Variants in HECW2 observed in about 807,000 individuals in gnomAD.
HECW2 encodes the protein HECT, C2 and WW domain containing E3 ubiquitin protein ligase 2.
Under a neutral mutation model 175.2 loss-of-function variants are expected in HECW2, and 61 were observed. The observed-to-expected ratio is 0.35, with a 90% CI of 0.28 to 0.43. The LOEUF (loss-of-function observed/expected upper bound fraction) is 0.43. HECW2 is among the 20% of genes least tolerant of loss of function. The pLI is 1.00. For missense variants in HECW2, 1,524 were observed against 2,000.5 expected (o/e 0.76, Z 4.54); for synonymous variants, 671 against 731.0 (o/e 0.92, Z 1.32).
intron 28 of HECW2, 152 bp downstream of exon 28, chr2:196,215,713 C>T (rs1191253749): frequency 6.1e-5 from 35 of 578,302 alleles, no homozygotes; most frequent in Middle Eastern, 4.7e-4. Context: ...TTTTCCTCTT[C>T]GTTTAGAAAG....
intron 13 of HECW2, among the ~76,000 whole-genome samples, chr2:196,302,983 C>A (rs948352980): frequency 6.6e-6 from 1 of 152,128 alleles, no homozygotes; most frequent in Admixed American, 6.5e-5. Context: ...AGCATCCTTG[C>A]CTTGTGCTGG....
chr2:196,215,610 C>T (rs1489222663), intron 28 of HECW2, among the ~76,000 whole-genome samples: 4 of 152,136 alleles, frequency 2.6e-5, no homozygotes, highest in Non-Finnish European at 4.4e-5. Context: ...TAACCAACGT[C>T]GCTTTACTGA....
At chr2:196,424,247 C>T (rs1320465310) in intron 2 of HECW2, among the ~76,000 whole-genome samples, 2 of 152,036 alleles carry the variant, frequency 1.3e-5, no homozygotes, top group East Asian at 3.9e-4. Context: ...TCTGACTGTT[C>T]CACTGACCCA....
At chr2:196,304,520 C>CT (rs894290444) in intron 13 of HECW2, among the ~76,000 whole-genome samples, 1 of 152,152 alleles carries the variant, frequency 6.6e-6, no homozygotes, top group Non-Finnish European at 1.5e-5. Context: ...ATTTACCACT[C>CT]TATTCCCAGA....
At chr2:196,309,834 G>T (rs1575395791) in intron 10 of HECW2, among the ~76,000 whole-genome samples, 2 of 152,278 alleles carry the variant, frequency 1.3e-5, no homozygotes, top group South Asian at 4.1e-4. Context: ...AAACTCCCAA[G>T]ATTAGATTAT....
chr2:196,398,737 G>C lies in HECW2; in HGVS notation c.292+34395C>G, dbSNP rs541353726. On this transcript the variant is annotated intron_variant, in intron 2 of 28. Transcript: ENST00000644978. ...CTGATACCTTGTATCCCCATATCTG[G>C]TTTCCCCAGTGAGAGCAAAAGACTC... 3.3e-5 allele frequency among the ~76,000 whole-genome samples: 5 copies of C among 152,258 alleles called. No homozygotes were observed. The South Asian group carries it at 8.3e-4, about 25-fold the overall frequency.
Position 196,253,919 on chromosome 2 carries a change from C to T in HECW2, c.3529+1G>A. The T allele has an allele frequency of 6.2e-7, 1 of 1,613,724 alleles. No individual in the cohort carries two copies. The highest frequency in any genetic ancestry group is 8.5e-7 in the Non-Finnish European group (1 of 1,179,714). On this transcript the variant is annotated splice_donor_variant, in intron 19 of 28. Coordinates refer to ENST00000644978, the MANE Select transcript of HECW2 (RefSeq NM_001348768.2). LOFTEE classifies it high-confidence loss of function. ...TCACTGTGAGCAGCAGGTGGACTCACCTGGCGAGTTCTGAGGAGATGACAC... is the reference window on the plus strand; with the variant it reads ...TCACTGTGAGCAGCAGGTGGACTCATCTGGCGAGTTCTGAGGAGATGACAC...
intron 2 of HECW2, among the ~76,000 whole-genome samples, chr2:196,359,363 G>A (rs375617301): frequency 3.3e-5 from 5 of 152,082 alleles, no homozygotes; most frequent in East Asian, 1.9e-4. Flanking sequence ...CAGGAGAATC[G>A]CTTGAACCTG....
chr2:196,502,306 G>A (rs911799357), intron 1 of HECW2, among the ~76,000 whole-genome samples: 24 of 151,928 alleles, frequency 1.6e-4, no homozygotes, highest in Admixed American at 6.6e-5. Flanking sequence ...TGAACTGTAC[G>A]TCATCCTAGA....
At chr2:196,449,762 G>C (rs1487835550) in intron 1 of HECW2, among the ~76,000 whole-genome samples, 1 of 152,058 alleles carries the variant, frequency 6.6e-6, no homozygotes, top group Admixed American at 6.6e-5. Context: ...AAATGCAAAA[G>C]TTTTAACTGG....
rs138021514 is a variant in HECW2, at chr2:196,271,261, T to C, written c.3267A>G (p.Leu1089=). The C allele has an allele frequency of 1.3e-4, 212 of 1,609,972 alleles. No individual in the cohort carries two copies. Among genetic ancestry groups the C allele is most frequent in the Non-Finnish European group, 1.7e-4 (201 of 1,176,522 alleles). ...GAATTTCAAAGATATTGGGTTGACGTAGAAATGCAACAATCTTGTCATTGT... is the reference window on the plus strand; with the variant it reads ...GAATTTCAAAGATATTGGGTTGACGCAGAAATGCAACAATCTTGTCATTGT... ...VAYNDKIVAF[L]RQPNIFEILQ... Residue 1089 remains leucine (L), a synonymous_variant, in exon 17 of 29, where the codon CTA becomes CTG. Coordinates refer to ENST00000644978, the MANE Select transcript of HECW2 (RefSeq NM_001348768.2).
chr2:196,232,049 G>A (rs983215167), intron 21 of HECW2, among the ~76,000 whole-genome samples: 1 of 152,116 alleles, frequency 6.6e-6, no homozygotes, highest in African/African-American at 2.4e-5. Flanking sequence ...CAAGGAGTGG[G>A]TAGAATACTA....
Position 196,554,274 on chromosome 2 carries a change from G to A in HECW2, c.-36+39234C>T, listed in dbSNP as rs541444786. Among the ~76,000 whole-genome samples the A allele has an allele frequency of 2.6e-4, 40 of 152,050 alleles. 1 individual carries two copies. Among genetic ancestry groups the A allele is most frequent in the African/African-American group, 5.8e-4 (24 of 41,506 alleles). On this transcript the variant is annotated intron_variant, in intron 1 of 28. Transcript: ENST00000644978. ...CCGGAAGGCGGAGCTTGCAGTGAGC[G>A]GAGATCGCGCCACAGCACTCCCGCC...
intron 5 of HECW2, among the ~76,000 whole-genome samples, chr2:196,328,701 T>C (rs568985582): frequency 6.6e-6 from 1 of 152,312 alleles, no homozygotes; most frequent in South Asian, 2.1e-4. Flanking sequence ...ACAAAACATA[T>C]TCCAGTGAAG....
At chr2:196,317,511 C>G (rs2105749249) in intron 9 of HECW2, 142 bp from the exon 10 acceptor site, 1 of 654,970 alleles carries the variant, frequency 1.5e-6, no homozygotes, top group Non-Finnish European at 2.7e-6. Context: ...GACCTAGAAA[C>G]AAAAGAAGAG....
intron 7 of HECW2, 126 bp from the exon 8 acceptor site, chr2:196,320,565 A>G (rs1450105342): frequency 1.7e-6 from 1 of 589,838 alleles, no homozygotes; most frequent in Admixed American, 2.6e-5. Flanking sequence ...AGAACATTAA[A>G]GGCTCAAAGC....
chr2:196,290,116 G>A (rs1384651431), intron 14 of HECW2: 3 of 152,144 alleles, frequency 2.0e-5, no homozygotes, highest in African/African-American at 7.2e-5. Flanking sequence ...TAATGTAAAA[G>A]CCAGCAGCAG....
rs192022842 is a variant in HECW2 at position 196,451,952 on chromosome 2, A to G, written c.-35-18494T>C. Among the ~76,000 whole-genome samples the G allele has an allele frequency of 1.2e-3, 190 of 152,352 alleles. 1 individual carries two copies. Among genetic ancestry groups the G allele is most frequent in the Non-Finnish European group, 2.4e-3 (164 of 68,034 alleles). ...TTTCTTATTTGGAGAACTTTCTCCA[A>G]TTGGTCTTCATGGTGTAGGAAGTAT... On this transcript the variant is annotated intron_variant, in intron 1 of 28. Transcript: ENST00000644978.
At chr2:196,531,586 C>T (rs777629436) in intron 1 of HECW2, among the ~76,000 whole-genome samples, 1 of 151,276 alleles carries the variant, frequency 6.6e-6, no homozygotes, top group South Asian at 2.1e-4. Flanking sequence ...CACTTGAACC[C>T]GGTAAGCGGA....
Sources: gnomAD v4.1 joint callset for allele counts (sites outside exome capture counted in the v4.1 genomes callset) on GRCh38, gnomAD v4.1.1 for gene constraint, MANE v1.5 for transcripts, NCBI Gene and HGNC (gene_info 2026-07-23, HGNC 2026-07-21) for gene names.